ACAD11: variants seen among roughly 807,000 people sequenced by gnomAD.
The protein encoded by ACAD11 is acyl-Coenzyme A dehydrogenase family, member 11.
ACAD11 carries 83 observed loss-of-function variants against 102.2 expected under a neutral mutation model. The ratio of observed to expected loss-of-function variants is 0.81; its 90% CI spans 0.68 to 0.97. ACAD11 has a LOEUF of 0.97. Ranked by LOEUF, ACAD11 falls within the 50% of genes least tolerant of loss-of-function variation. The pLI, the probability that ACAD11 is intolerant of heterozygous loss-of-function variation, is 0.00. For missense variants in ACAD11, 901 were observed against 951.7 expected (o/e 0.95, Z 0.70); for synonymous variants, 324 against 319.8 (o/e 1.01, Z -0.14).
intron 13 of ACAD11, among the ~76,000 whole-genome samples, chr3:132,599,021 G>T (rs1359428376): frequency 2.0e-5 from 3 of 152,140 alleles, no homozygotes; most frequent in Non-Finnish European, 4.4e-5. Context: ...CAGTTAGAAA[G>T]ATACTGCTTG....
At chr3:132,651,383 T>C (rs1472485047) in intron 1 of ACAD11, among the ~76,000 whole-genome samples, 1 of 152,226 alleles carries the variant, frequency 6.6e-6, no homozygotes, top group Non-Finnish European at 1.5e-5. Flanking sequence ...TCTACACAGA[T>C]GTCCCTTTTA....
intron 13 of ACAD11, among the ~76,000 whole-genome samples, chr3:132,596,952 CT>C (rs1938337100): frequency 6.6e-6 from 1 of 152,154 alleles, no homozygotes; most frequent in Non-Finnish European, 1.5e-5. Context: ...GAGTATTTCT[CT>C]AGATGCTACC....
chr3:132,614,202 T>C (rs563284852), intron 11 of ACAD11, among the ~76,000 whole-genome samples: 18 of 152,322 alleles, frequency 1.2e-4, no homozygotes, highest in Non-Finnish European at 2.4e-4. Flanking sequence ...AAACATTCCA[T>C]GCTCATGGAT....
At position 132,619,496 on chromosome 3, in the gene ACAD11, C is replaced by T. The variant is rs767507668; in HGVS notation, c.1247G>A (p.Gly416Glu). 37 of 1,592,808 alleles carry T rather than the reference C, an allele frequency of 2.3e-5. No individual in the cohort carries two copies. The African/African-American group carries it at 3.9e-4, about 17-fold the overall frequency. Residue 416 changes from glycine (G) to glutamate (E), a missense_variant, in exon 10 of 20, where the codon GGA (glycine) becomes GAA (glutamate). Gly to Glu is a moderately conservative substitution (Grantham distance 98). Coordinates refer to ENST00000264990, the MANE Select transcript of ACAD11 (RefSeq NM_032169.5). ...VQNENSVDKW[G>E]KPLVIDKLKE... is the part of the protein sequence containing the mutation. ...GAGTTTATCAATCACTAAAGGTTTT[C>T]CCCACTTGTCCACTGAATTTTCATT...
intron 13 of ACAD11, among the ~76,000 whole-genome samples, chr3:132,602,633 A>G (rs1448150005): frequency 6.6e-6 from 1 of 152,324 alleles, no homozygotes; most frequent in South Asian, 2.1e-4. Context: ...TAGCAATTAC[A>G]TTGGTCAAAA....
At chr3:132,607,473 A>C (rs1938898725) in intron 11 of ACAD11, among the ~76,000 whole-genome samples, 1 of 152,218 alleles carries the variant, frequency 6.6e-6, no homozygotes, top group Admixed American at 6.5e-5. Context: ...AACTTCGTGA[A>C]GTATACACAA....
chr3:132,558,819 AC>A lies in ACAD11; in HGVS notation c.*151del. 1.7e-6 allele frequency: 1 copy of A among 599,938 alleles called. No individual in the cohort carries two copies. The highest frequency in any genetic ancestry group is 1.9e-5 in the African/African-American group (1 of 53,216). The allele number at this position is 599,938 out of a possible 1,614,324, so 37.2% of individuals were successfully genotyped here. On this transcript the variant is annotated 3_prime_UTR_variant, in exon 20 of 20. Transcript: ENST00000264990. ...TGTGACCCTTGAAATAATAAAACCC[AC>A]TGATCAAAATAGATGCTATAATCTT...
At chr3:132,603,395 A>C (rs954216904) in intron 12 of ACAD11, 68 bp from the exon 13 acceptor site, 26 of 1,348,220 alleles carry the variant, frequency 1.9e-5, no homozygotes, top group Admixed American at 3.6e-5. Flanking sequence ...TAAGGATATG[A>C]AAACTTTAAA....
intron 9 of ACAD11, 57 bp from the exon 10 acceptor site, chr3:132,619,602 T>C (rs1939535916): frequency 1.1e-6 from 1 of 917,662 alleles, no homozygotes; most frequent in East Asian, 2.6e-5. Context: ...AAGTAAACAA[T>C]GTCATAAACT....
chr3:132,632,331 C>T (rs918521132), intron 5 of ACAD11, among the ~76,000 whole-genome samples: 10 of 152,024 alleles, frequency 6.6e-5, no homozygotes, highest in East Asian at 1.9e-4. Context: ...ATGATCCGCC[C>T]GCCTTGGCCG....
chr3:132,617,100 C>T (rs1053728350), intron 11 of ACAD11, among the ~76,000 whole-genome samples: 1 of 152,180 alleles, frequency 6.6e-6, no homozygotes, highest in Non-Finnish European at 1.5e-5. Flanking sequence ...AAAGGCAATA[C>T]TGAGGCCTAT....
At chr3:132,635,847 A>G (rs1940254944) in intron 5 of ACAD11, among the ~76,000 whole-genome samples, 1 of 151,784 alleles carries the variant, frequency 6.6e-6, no homozygotes, top group African/African-American at 2.4e-5. Context: ...TATTGTGGTT[A>G]TATTATACTA....
intron 9 of ACAD11, among the ~76,000 whole-genome samples, chr3:132,624,833 T>G (rs1457363408): frequency 6.6e-6 from 1 of 151,598 alleles, no homozygotes; most frequent in Admixed American, 6.6e-5. Context: ...ACTATAGGTG[T>G]GCAGCACGCC....
intron 11 of ACAD11, among the ~76,000 whole-genome samples, chr3:132,613,818 G>C (rs1369560000): frequency 6.6e-6 from 1 of 151,936 alleles, no homozygotes; most frequent in Non-Finnish European, 1.5e-5. Context: ...AGAATTGCTT[G>C]GGCCTGGGAG....
intron 11 of ACAD11, among the ~76,000 whole-genome samples, chr3:132,610,744 C>G (rs1423398557): frequency 6.6e-6 from 1 of 151,930 alleles, no homozygotes; most frequent in East Asian, 1.9e-4. Flanking sequence ...ACCTACCAAC[C>G]AAAAAAAGTC....
intron 11 of ACAD11, among the ~76,000 whole-genome samples, chr3:132,605,662 A>G (rs1938807075): frequency 6.6e-6 from 1 of 152,198 alleles, no homozygotes; most frequent in Non-Finnish European, 1.5e-5. Flanking sequence ...TAATTTCCAC[A>G]TATATGCTTG....
chr3:132,578,671 G>C lies in ACAD11; in HGVS notation c.1774+125C>G, dbSNP rs550104135. 90 of 1,059,810 alleles carry C rather than the reference G, an allele frequency of 8.5e-5. 1 individual carries two copies. Among genetic ancestry groups the C allele is most frequent in the Admixed American group, 6.0e-4 (25 of 42,004 alleles). 65.7% of individuals were successfully genotyped at this position (1,059,810 alleles called of 1,614,324 possible). Reference sequence around the variant, plus strand: ...CTCCACCAGCATTTATATTAAGACAGTTGTCACAGACAAAGGAATATCTAA... The same window carrying C: ...CTCCACCAGCATTTATATTAAGACACTTGTCACAGACAAAGGAATATCTAA... On this transcript the variant is annotated intron_variant, in intron 15 of 19. Transcript: ENST00000264990.
chr3:132,564,112 T>C (rs1026550296), intron 17 of ACAD11, among the ~76,000 whole-genome samples: 1 of 152,244 alleles, frequency 6.6e-6, no homozygotes, highest in Non-Finnish European at 1.5e-5. Context: ...GTTATAGACA[T>C]GAATCAGGCT....
chr3:132,631,083 A>G (rs1219017145), intron 6 of ACAD11, among the ~76,000 whole-genome samples: 1 of 152,178 alleles, frequency 6.6e-6, no homozygotes, highest in African/African-American at 2.4e-5. Flanking sequence ...AAAAACACCA[A>G]CATGGCCCAT....
Sources: gnomAD v4.1 joint callset for allele counts (sites outside exome capture counted in the v4.1 genomes callset) on GRCh38, gnomAD v4.1.1 for gene constraint, MANE v1.5 for transcripts, NCBI Gene and HGNC (gene_info 2026-07-23, HGNC 2026-07-21) for gene names.